Variants in DRC11 observed in about 807,000 individuals in gnomAD.
The protein encoded by DRC11 is dynein regulatory complex subunit 11.
the DRC11 span, among the ~76,000 whole-genome samples, chr2:236,312,052 C>T: frequency 4.6e-5 from 7 of 152,024 alleles, no homozygotes; most frequent in Non-Finnish European, 7.4e-5. Context: ...TTAATTGATT[C>T]CTTAAAACTC....
At chr2:236,317,334 A>T in the DRC11 span, among the ~76,000 whole-genome samples, 1 of 152,122 alleles carries the variant, frequency 6.6e-6, no homozygotes, top group African/African-American at 2.4e-5. This position sits in a 1 kb window ranked among gnomAD's most constrained non-coding sequence, Gnocchi z 5.4. Flanking sequence ...ATTAACAGTA[A>T]AATAGGAAGC....
the DRC11 span, among the ~76,000 whole-genome samples, chr2:236,466,391 A>G: frequency 8.5e-5 from 13 of 152,280 alleles, no homozygotes; most frequent in South Asian, 2.7e-3. Flanking sequence ...TTTAATTATG[A>G]GATGTTCTGG....
the DRC11 span, among the ~76,000 whole-genome samples, chr2:236,429,552 T>C: frequency 2.6e-5 from 4 of 152,064 alleles, no homozygotes; most frequent in African/African-American, 9.7e-5. This position sits in a 1 kb window ranked among gnomAD's most constrained non-coding sequence, Gnocchi z 5.9. Context: ...CTTGGGTGCA[T>C]GCAGTGGTGG....
chr2:236,472,836 C>A, the DRC11 span, among the ~76,000 whole-genome samples: 2 of 152,282 alleles, frequency 1.3e-5, no homozygotes, highest in Admixed American at 1.3e-4. This position sits in a 1 kb window ranked among gnomAD's most constrained non-coding sequence, Gnocchi z 4.6. Flanking sequence ...GGCTTTGAGC[C>A]TAGCTCTGTC....
the DRC11 span, chr2:236,391,870 C>G: frequency 4.6e-6 from 4 of 878,116 alleles, no homozygotes; most frequent in South Asian, 5.7e-5. This position sits in a 1 kb window ranked among gnomAD's most constrained non-coding sequence, Gnocchi z 4.5. Context: ...CGTGAGGTGT[C>G]CTGGCAACAG....
chr2:236,428,060 T>A, the DRC11 span, among the ~76,000 whole-genome samples: 1 of 152,300 alleles, frequency 6.6e-6, no homozygotes. Context: ...TTCCTTTTAT[T>A]GTTCCTGGTT....
At chr2:236,419,237 T>A in the DRC11 span, 1 of 1,544,414 alleles carries the variant, frequency 6.5e-7, no homozygotes, top group Non-Finnish European at 8.7e-7. The surrounding 1 kb of genome is among the most constrained non-coding windows in gnomAD (Gnocchi z 4.8). Context: ...GTTTTTTTCT[T>A]CTTCCTCTTG....
chr2:236,503,565 G>A, the DRC11 span: 7 of 1,428,606 alleles, frequency 4.9e-6, no homozygotes, highest in African/African-American at 5.7e-5. The surrounding 1 kb of genome is among the most constrained non-coding windows in gnomAD (Gnocchi z 4.9). Flanking sequence ...GGGGAGACCA[G>A]GCAAAGATTC....
the DRC11 span, among the ~76,000 whole-genome samples, chr2:236,345,531 C>G: frequency 6.6e-6 from 1 of 152,148 alleles, no homozygotes; most frequent in African/African-American, 2.4e-5. Flanking sequence ...TGAGAAAAAC[C>G]GTTTCAGCAC....
At chr2:236,313,508 T>C in the DRC11 span, among the ~76,000 whole-genome samples, 1 of 152,296 alleles carries the variant, frequency 6.6e-6, no homozygotes, top group Non-Finnish European at 1.5e-5. This position sits in a 1 kb window ranked among gnomAD's most constrained non-coding sequence, Gnocchi z 4.5. Context: ...GTCTTGACAG[T>C]TTCTTATAAA....
At chr2:236,484,773 G>A in the DRC11 span, among the ~76,000 whole-genome samples, 17 of 152,232 alleles carry the variant, frequency 1.1e-4, no homozygotes, top group East Asian at 3.3e-3. Flanking sequence ...CATCCTTACT[G>A]GGTCTCTTTT....
the DRC11 span, among the ~76,000 whole-genome samples, chr2:236,410,526 A>C: frequency 6.6e-6 from 1 of 150,536 alleles, no homozygotes; most frequent in Non-Finnish European, 1.5e-5. Context: ...GACTTTCTTC[A>C]CAGAATTGGA....
At chr2:236,506,879 G>C in the DRC11 span, among the ~76,000 whole-genome samples, 2 of 152,112 alleles carry the variant, frequency 1.3e-5, no homozygotes, top group African/African-American at 4.8e-5. This position sits in a 1 kb window ranked among gnomAD's most constrained non-coding sequence, Gnocchi z 4.9. Flanking sequence ...TCAGGACCTA[G>C]GTGTTTCCAC....
At chr2:236,414,690 G>A in the DRC11 span, among the ~76,000 whole-genome samples, 2 of 152,036 alleles carry the variant, frequency 1.3e-5, no homozygotes, top group Non-Finnish European at 2.9e-5. Context: ...AGAATGTTCT[G>A]TTTTCTTCTG....
the DRC11 span, among the ~76,000 whole-genome samples, chr2:236,494,346 A>G: frequency 6.6e-6 from 1 of 152,186 alleles, no homozygotes; most frequent in Non-Finnish European, 1.5e-5. This position sits in a 1 kb window ranked among gnomAD's most constrained non-coding sequence, Gnocchi z 4.2. Flanking sequence ...TTTTATTTTT[A>G]CCAAAATTAC....
the DRC11 span, among the ~76,000 whole-genome samples, chr2:236,341,507 T>C: frequency 6.6e-6 from 1 of 152,162 alleles, no homozygotes; most frequent in Non-Finnish European, 1.5e-5. Flanking sequence ...CTTTCAAAGA[T>C]TGCTGAGGAC....
the DRC11 span, among the ~76,000 whole-genome samples, chr2:236,338,018 C>T: frequency 2.0e-5 from 3 of 152,208 alleles, no homozygotes; most frequent in Non-Finnish European, 2.9e-5. Context: ...AAGAACAGAA[C>T]GTGACCTAGT....
chr2:236,468,273 G>A, the DRC11 span, among the ~76,000 whole-genome samples: 1 of 152,006 alleles, frequency 6.6e-6, no homozygotes, highest in Non-Finnish European at 1.5e-5. Context: ...TGTACTTTTT[G>A]TAGAGATGGG....
chr2:236,339,981 T>C, the DRC11 span, among the ~76,000 whole-genome samples: 5 of 152,242 alleles, frequency 3.3e-5, no homozygotes, highest in African/African-American at 1.2e-4. Flanking sequence ...GTAGGCCAAT[T>C]TGGGAATTAT....
Sources: allele counts gnomAD v4.1 joint callset (sites outside exome capture counted in the v4.1 genomes callset), GRCh38; gene constraint gnomAD v4.1.1; non-coding constraint Gnocchi (gnomAD v3.1); transcripts MANE v1.5; gene names NCBI Gene and HGNC (gene_info 2026-07-23, HGNC 2026-07-21).